HS3ST4: variants seen among roughly 807,000 people sequenced by gnomAD.
The protein encoded by HS3ST4 is heparan sulfate glucosamine 3-O-sulfotransferase 4.
HS3ST4 carries 17 observed loss-of-function variants against 29.2 expected under a neutral mutation model. The observed-to-expected ratio is 0.58, with a 90% CI of 0.40 to 0.87. The LOEUF is 0.87. Among genes scored for constraint, HS3ST4 ranks in the 40% least tolerant of loss-of-function variants. The pLI is 0.00. For synonymous variants in HS3ST4, 314 were observed against 285.7 expected, an observed-to-expected ratio of 1.10 and a Z score of -1.00; for missense variants, 627 against 634.5, an observed-to-expected ratio of 0.99 and a Z score of 0.13.
chr16:25,895,702 T>A (rs1968055425), intron 1 of HS3ST4, among the ~76,000 whole-genome samples: 1 of 151,604 alleles, frequency 6.6e-6, no homozygotes, highest in Non-Finnish European at 1.5e-5. Context: ...AGATGGCTGC[T>A]TCTTGCTGTA....
At chr16:25,829,595 C>G (rs140431411) in intron 1 of HS3ST4, among the ~76,000 whole-genome samples, 2 of 152,048 alleles carry the variant, frequency 1.3e-5, no homozygotes, top group Non-Finnish European at 2.9e-5. Flanking sequence ...CAACAGGCCC[C>G]GGTGTGTGAT....
At chr16:25,784,289 C>T (rs1250407742) in intron 1 of HS3ST4, among the ~76,000 whole-genome samples, 1 of 151,918 alleles carries the variant, frequency 6.6e-6, no homozygotes, top group African/African-American at 2.4e-5. Flanking sequence ...CTACAATGAC[C>T]TCTAAGTGTT....
chr16:26,109,582 C>T (rs918993426), intron 1 of HS3ST4, among the ~76,000 whole-genome samples: 2 of 151,154 alleles, frequency 1.3e-5, no homozygotes, highest in Non-Finnish European at 3.0e-5. Flanking sequence ...ATGTCCATCA[C>T]CCCACACCTC....
At chr16:26,061,825 G>A (rs1363925057) in intron 1 of HS3ST4, among the ~76,000 whole-genome samples, 4 of 152,126 alleles carry the variant, frequency 2.6e-5, no homozygotes, top group African/African-American at 9.7e-5. Flanking sequence ...TGGCAAGATG[G>A]AACCAGCAAC....
At chr16:25,882,080 C>G (rs558729220) in intron 1 of HS3ST4, among the ~76,000 whole-genome samples, 7 of 152,244 alleles carry the variant, frequency 4.6e-5, no homozygotes, top group African/African-American at 1.4e-4. Flanking sequence ...TACCCTCCGT[C>G]CCTCTCTCTT....
At chr16:25,977,116 C>T (rs1596633044) in intron 1 of HS3ST4, among the ~76,000 whole-genome samples, 1 of 151,976 alleles carries the variant, frequency 6.6e-6, no homozygotes, top group South Asian at 2.1e-4. Context: ...AGACTAAGTG[C>T]TTAGCATATG....
At chr16:26,057,482 C>T (rs763416719) in intron 1 of HS3ST4, among the ~76,000 whole-genome samples, 2 of 152,138 alleles carry the variant, frequency 1.3e-5, no homozygotes, top group Non-Finnish European at 2.9e-5. Flanking sequence ...AGGCTGGGCG[C>T]GGTGGCTCAC....
intron 1 of HS3ST4, among the ~76,000 whole-genome samples, chr16:25,954,926 A>G (rs1968714774): frequency 6.6e-6 from 1 of 152,234 alleles, no homozygotes; most frequent in Non-Finnish European, 1.5e-5. Flanking sequence ...AGAGAGACCA[A>G]TGAATATGCT....
chr16:26,038,160 A>G (rs968777015), intron 1 of HS3ST4, among the ~76,000 whole-genome samples: 1 of 152,020 alleles, frequency 6.6e-6, no homozygotes, highest in African/African-American at 2.4e-5. Flanking sequence ...AGCGACGTCA[A>G]GCTCAGCCCT....
chr16:25,760,509 C>T (rs1024677526), intron 1 of HS3ST4, among the ~76,000 whole-genome samples: 1 of 151,678 alleles, frequency 6.6e-6, no homozygotes, highest in African/African-American at 2.4e-5. Flanking sequence ...ACCTCCACCT[C>T]CCTGATTCAA....
chr16:25,790,133 T>C (rs1966865535), intron 1 of HS3ST4, among the ~76,000 whole-genome samples: 1 of 152,162 alleles, frequency 6.6e-6, no homozygotes, highest in South Asian at 2.1e-4. Flanking sequence ...TTTGGCTGGA[T>C]GCCATGGTTC....
intron 1 of HS3ST4, among the ~76,000 whole-genome samples, chr16:25,782,770 A>G (rs552056553): frequency 2.0e-5 from 3 of 152,336 alleles, no homozygotes; most frequent in Admixed American, 2.0e-4. Context: ...TTTAAAATTA[A>G]TGAGATTTTA....
At chr16:26,120,085 G>GTA (rs1899255346) in intron 1 of HS3ST4, among the ~76,000 whole-genome samples, 1 of 136,252 alleles carries the variant, frequency 7.3e-6, no homozygotes, top group Non-Finnish European at 1.7e-5. Context: ...GTGTGTGTGT[G>GTA]TGTGTGTATA....
chr16:25,771,826 C>T (rs1369690844), intron 1 of HS3ST4, among the ~76,000 whole-genome samples: 1 of 152,154 alleles, frequency 6.6e-6, no homozygotes, highest in Non-Finnish European at 1.5e-5. Flanking sequence ...TTCCTAGTGC[C>T]TTGGCTGGAG....
intron 1 of HS3ST4, among the ~76,000 whole-genome samples, chr16:25,720,267 A>C (rs554038516): frequency 5.7e-4 from 87 of 152,302 alleles, no homozygotes; most frequent in African/African-American, 2.0e-3. Context: ...GAGGTCAATG[A>C]GACTGGGACA....
At chr16:25,828,254 T>TCTGTCTTTCTCTCTCTCTCTCTCTC (rs1967246199) in intron 1 of HS3ST4, among the ~76,000 whole-genome samples, 1 of 73,618 alleles carries the variant, frequency 1.4e-5, no homozygotes, top group African/African-American at 6.0e-5. Context: ...CTTTCTTTCT[T>TCTGTCTTTCTCTCTCTCTCTCTCTC]TCTTTCTTTC....
At chr16:25,889,036 G>C (rs552966931) in intron 1 of HS3ST4, among the ~76,000 whole-genome samples, 1 of 152,244 alleles carries the variant, frequency 6.6e-6, no homozygotes, top group African/African-American at 2.4e-5. Context: ...GATTTCCATT[G>C]ACTGCTATAA....
intron 1 of HS3ST4, among the ~76,000 whole-genome samples, chr16:25,721,374 G>A (rs1966493702): frequency 6.6e-6 from 1 of 152,076 alleles, no homozygotes; most frequent in Non-Finnish European, 1.5e-5. Context: ...CCTTTTATGG[G>A]CTTGCCTTAG....
intron 1 of HS3ST4, among the ~76,000 whole-genome samples, chr16:26,030,676 A>AT (rs2141753134): frequency 6.6e-6 from 1 of 152,272 alleles, no homozygotes; most frequent in East Asian, 1.9e-4. Context: ...GTTGAGTCTC[A>AT]TTCCCTTCAA....
Sources: gnomAD v4.1 joint callset for allele counts (sites outside exome capture counted in the v4.1 genomes callset) on GRCh38, gnomAD v4.1.1 for gene constraint, MANE v1.5 for transcripts, NCBI Gene and HGNC (gene_info 2026-07-23, HGNC 2026-07-21) for gene names.